The following SIAH3 variants were observed in gnomAD, a reference collection of about 807,000 sequenced individuals.
SIAH3 encodes the protein seven in absentia homolog 3.
In SIAH3, 9 loss-of-function variants were observed where a neutral mutation model predicts 12.6. That is an observed-to-expected ratio of 0.72 (90% CI 0.43 to 1.25). SIAH3 has a LOEUF of 1.25. Ranked by LOEUF, SIAH3 falls within the 50% of genes most tolerant of loss-of-function variation. The pLI is 0.00. For missense variants in SIAH3, 390 were observed against 365.4 expected (o/e 1.07, Z -0.55); for synonymous variants, 154 against 151.1 (o/e 1.02, Z -0.14).
intron 1 of SIAH3, among the ~76,000 whole-genome samples, chr13:45,822,294 A>T (rs1076536): frequency 0.21 from 32,175 of 151,940 alleles, 4,042 homozygotes; most frequent in East Asian, 0.61. Context: ...CAGCTCCAAT[A>T]TAATTTTCCT....
At chr13:45,834,970 T>C (rs1950712999) in intron 1 of SIAH3, among the ~76,000 whole-genome samples, 1 of 152,224 alleles carries the variant, frequency 6.6e-6, no homozygotes, top group Non-Finnish European at 1.5e-5. Context: ...TATAAGTGTG[T>C]ATTTAAAGAC....
chr13:45,844,818 A>G (rs1402625137), intron 1 of SIAH3, among the ~76,000 whole-genome samples: 1 of 152,216 alleles, frequency 6.6e-6, no homozygotes, highest in African/African-American at 2.4e-5. Flanking sequence ...GTATGAAACT[A>G]CTTATTGGTG....
chr13:45,823,594 T>C (rs1255023447), intron 1 of SIAH3, among the ~76,000 whole-genome samples: 1 of 152,238 alleles, frequency 6.6e-6, no homozygotes, highest in Non-Finnish European at 1.5e-5. Flanking sequence ...CCTAGAGAAC[T>C]CCATCTATTC....
intron 1 of SIAH3, among the ~76,000 whole-genome samples, chr13:45,841,800 T>C (rs1405537030): frequency 6.6e-6 from 1 of 152,226 alleles, no homozygotes; most frequent in African/African-American, 2.4e-5. Context: ...GCCTCATCCC[T>C]GTCCCTCACT....
intron 1 of SIAH3, among the ~76,000 whole-genome samples, chr13:45,821,983 G>T (rs73472516): frequency 6.6e-6 from 1 of 152,124 alleles, no homozygotes; most frequent in Non-Finnish European, 1.5e-5. Flanking sequence ...ATCAGTGGCC[G>T]TTGTAGGGAA....
intron 1 of SIAH3, among the ~76,000 whole-genome samples, chr13:45,822,079 A>G (rs1950657799): frequency 6.6e-6 from 1 of 152,152 alleles, no homozygotes; most frequent in Non-Finnish European, 1.5e-5. Context: ...ACGTGGACCC[A>G]GAGTGTCTCA....
rs1950781266 is a variant in SIAH3 at position 45,851,413 on chromosome 13, A to G, written c.135+82T>C. 3 of 1,582,852 alleles carry G rather than the reference A, an allele frequency of 1.9e-6. No homozygotes were observed. In the South Asian group the frequency reaches 3.4e-5, roughly 18 times the overall value. ...GACCCGGGTTTGCAAAGGGCTGCAC[A>G]CGTTCGCCGGAGGGTCGCTGCCGCC... On this transcript the variant is annotated intron_variant, in intron 1 of 1. Coordinates refer to ENST00000400405, the MANE Select transcript of SIAH3 (RefSeq NM_198849.3).
At chr13:45,845,710 A>G (rs965984919) in intron 1 of SIAH3, among the ~76,000 whole-genome samples, 3 of 152,128 alleles carry the variant, frequency 2.0e-5, no homozygotes, top group Non-Finnish European at 2.9e-5. Context: ...AGGTCTTAAA[A>G]TTTTTAAATT....
At chr13:45,836,866 G>T (rs1329338246) in intron 1 of SIAH3, among the ~76,000 whole-genome samples, 5 of 152,208 alleles carry the variant, frequency 3.3e-5, no homozygotes, top group Admixed American at 3.3e-4. Flanking sequence ...GTCCCCAGTT[G>T]CCTGTAATAT....
intron 1 of SIAH3, among the ~76,000 whole-genome samples, chr13:45,826,202 TTTC>T (rs1950673991): frequency 6.6e-6 from 1 of 152,188 alleles, no homozygotes; most frequent in Non-Finnish European, 1.5e-5. Flanking sequence ...TTATTATCAT[TTTC>T]TTCTTCTCTG....
chr13:45,834,552 T>C (rs1280611523), intron 1 of SIAH3, among the ~76,000 whole-genome samples: 1 of 152,162 alleles, frequency 6.6e-6, no homozygotes, highest in Admixed American at 6.5e-5. Flanking sequence ...CAGTTCTCCC[T>C]GGGAGCTCAG....
Position 45,826,217 on chromosome 13 carries a change from G to A in SIAH3, c.135+25278C>T, listed in dbSNP as rs80154967. 4.6e-3 allele frequency among the ~76,000 whole-genome samples: 701 copies of A among 152,098 alleles called. 3 individuals carry two copies. Among genetic ancestry groups the A allele is most frequent in the Non-Finnish European group, 6.1e-3 (412 of 67,978 alleles). On this transcript the variant is annotated intron_variant, in intron 1 of 1. Coordinates refer to ENST00000400405, the MANE Select transcript of SIAH3 (RefSeq NM_198849.3). ...TTATTATCATTTTCTTCTTCTCTGGGCTGGATTGTAAACCCTGTGAGATCA... is the reference window on the plus strand; with the variant it reads ...TTATTATCATTTTCTTCTTCTCTGGACTGGATTGTAAACCCTGTGAGATCA...
chr13:45,843,034 C>CTCTGTGTGTGTGTGTGTG (rs560128772), intron 1 of SIAH3, among the ~76,000 whole-genome samples: 67 of 139,286 alleles, frequency 4.8e-4, no homozygotes, highest in African/African-American at 1.8e-3. Context: ...CTCTCTCTCT[C>CTCTGTGTGTGTGTGTGTG]TGTGTGTGTG....
In SIAH3 at chr13:45,804,267, G is replaced by A. The variant is rs1042387920; in HGVS notation, c.136-20210C>T. ...TATTAATATATTGTTATTACTACAT[G>A]CTACAACATAGATAAACCTTGAAAA... On this transcript the variant is annotated intron_variant, in intron 1 of 1. Coordinates refer to ENST00000400405, the MANE Select transcript of SIAH3 (RefSeq NM_198849.3). 3.3e-5 allele frequency among the ~76,000 whole-genome samples: 5 copies of A among 151,978 alleles called. No homozygotes were observed. The South Asian group carries it at 1.0e-3, about 32-fold the overall frequency.
At position 45,812,634 on chromosome 13, in the gene SIAH3, G is replaced by A. The variant is rs1352535876; in HGVS notation, c.136-28577C>T. ...AGCTTCCTTAATGCTATGCTTTCCTGTGATGCATATGGGTGCATAAATATA... is the reference window on the plus strand; with the variant it reads ...AGCTTCCTTAATGCTATGCTTTCCTATGATGCATATGGGTGCATAAATATA... On this transcript the variant is annotated intron_variant, in intron 1 of 1. Transcript: ENST00000400405. Among the ~76,000 whole-genome samples, 5 of 152,110 alleles carry A rather than the reference G, an allele frequency of 3.3e-5. 1 individual carries two copies. Among genetic ancestry groups the A allele is most frequent in the Non-Finnish European group, 7.3e-5 (5 of 68,038 alleles).
chr13:45,841,061 T>G (rs1206084601), intron 1 of SIAH3, among the ~76,000 whole-genome samples: 2 of 152,218 alleles, frequency 1.3e-5, no homozygotes, highest in African/African-American at 4.8e-5. Flanking sequence ...GTGTAACTAA[T>G]ACGGTAGAAA....
intron 1 of SIAH3, among the ~76,000 whole-genome samples, chr13:45,785,448 A>G (rs1950524850): frequency 7.8e-6 from 1 of 128,040 alleles, no homozygotes; most frequent in Admixed American, 7.9e-5. Context: ...TTGCTGCCAG[A>G]GTTTCTATCT....
Position 45,781,771 on chromosome 13 carries a change from T to G in SIAH3, c.*1612A>C, listed in dbSNP as rs1950504923. 1 of 151,960 alleles carries G rather than the reference T, an allele frequency of 6.6e-6. No individual in the cohort carries two copies. The highest frequency in any genetic ancestry group is 1.5e-5 in the Non-Finnish European group (1 of 68,028). 9.4% of individuals were successfully genotyped at this position (151,960 alleles called of 1,614,324 possible). ...AACCCAGTTGTTGGGGGAAGGGTGT[T>G]GTGTTTCAGGATCAGTTATTTTTGG... On this transcript the variant is annotated 3_prime_UTR_variant, in exon 2 of 2. Coordinates refer to ENST00000400405, the MANE Select transcript of SIAH3 (RefSeq NM_198849.3).
intron 1 of SIAH3, among the ~76,000 whole-genome samples, chr13:45,800,146 C>G (rs1321087670): frequency 6.6e-6 from 1 of 152,156 alleles, no homozygotes; most frequent in Non-Finnish European, 1.5e-5. Context: ...CCTGATAGTA[C>G]CACTGTTAAC....
Sources: gnomAD v4.1 joint callset for allele counts (sites outside exome capture counted in the v4.1 genomes callset) on GRCh38, gnomAD v4.1.1 for gene constraint, MANE v1.5 for transcripts, NCBI Gene and HGNC (gene_info 2026-07-23, HGNC 2026-07-21) for gene names.